WDR12: variants seen among roughly 807,000 people sequenced by gnomAD.
WDR12 encodes WD repeat domain 12.
WDR12 carries 42 observed loss-of-function variants against 64.3 expected under a neutral mutation model. That is an observed-to-expected ratio of 0.65 (90% CI 0.51 to 0.84). The LOEUF (loss-of-function observed/expected upper bound fraction) is 0.84. Among genes scored for constraint, WDR12 ranks in the 40% least tolerant of loss-of-function variants. WDR12 has a pLI of 0.00. For missense variants in WDR12, 469 were observed against 494.6 expected (o/e 0.95, Z 0.49); for synonymous variants, 158 against 173.3 (o/e 0.91, Z 0.70).
chr2:202,892,645 T>C lies in WDR12; in HGVS notation c.713A>G (p.Gln238Arg). ...EESTNRPRKK[Q>R]KTEQLGLTRT... ...TGTTAGTCCCAACTGTTCTGTCTTC[T>C]GTTTCTTTCTTGGTCGATTTGTGGA... The change falls in exon 8 of 13, where the codon CAG (glutamine) becomes CGG (arginine). Residue 238 changes from glutamine to arginine, a missense_variant. By Grantham distance (43) the Gln-to-Arg change is conservative (BLOSUM62 1). Coordinates refer to ENST00000261015, the MANE Select transcript of WDR12 (RefSeq NM_018256.4). 3 of 1,613,418 alleles carry C rather than the reference T, an allele frequency of 1.9e-6. No individual in the cohort carries two copies. Among genetic ancestry groups the C allele is most frequent in the Non-Finnish European group, 2.5e-6 (3 of 1,179,548 alleles).
At chr2:202,899,713 TTAATA>T (rs1212964859) in intron 3 of WDR12, 76 bp from the exon 4 acceptor site, 58 of 1,277,692 alleles carry the variant, frequency 4.5e-5, no homozygotes, top group Non-Finnish European at 5.9e-5. Flanking sequence ...AACCCCCAAT[TTAATA>T]TATCTCCTTT....
chr2:202,906,569 T>C (rs553627436), intron 2 of WDR12, among the ~76,000 whole-genome samples: 8 of 152,172 alleles, frequency 5.3e-5, no homozygotes, highest in Non-Finnish European at 8.8e-5. Context: ...TGCATAAAAA[T>C]ACACTTGCCT....
At position 202,911,633 on chromosome 2, in the gene WDR12, C is replaced by T; in HGVS notation, c.-157G>A. 1 of 687,808 alleles carries T rather than the reference C, an allele frequency of 1.5e-6. No individual in the cohort carries two copies. The highest frequency in any genetic ancestry group is 1.7e-5 in the South Asian group (1 of 60,212). 42.6% of individuals were successfully genotyped at this position (687,808 alleles called of 1,614,324 possible). A position where few individuals can be genotyped will look rare whatever the true frequency, so the allele number is the denominator to read the frequency against. Reference sequence around the variant, plus strand: ...CTAAGCCTGGACTCTGCCTTCTGCCCTCCGGTCTCCTCTGCAGAAAGCACG... The same window carrying T: ...CTAAGCCTGGACTCTGCCTTCTGCCTTCCGGTCTCCTCTGCAGAAAGCACG... On this transcript the variant is annotated 5_prime_UTR_variant, in exon 1 of 13. Transcript: ENST00000261015.
intron 10 of WDR12, 154 bp downstream of exon 10, chr2:202,884,044 C>T: frequency 4.1e-6 from 3 of 739,212 alleles, no homozygotes; most frequent in Non-Finnish European, 6.6e-6. Context: ...AACTCCTGAC[C>T]TCATGATCTG....
At position 202,879,651 on chromosome 2, in the gene WDR12, C is replaced by A. The variant is rs967551775; in HGVS notation, c.*1209G>T. 1.3e-5 allele frequency: 2 copies of A among 151,726 alleles called. No individual in the cohort carries two copies. The highest frequency in any genetic ancestry group is 1.3e-4 in the Admixed American group (2 of 15,226). 9.4% of individuals were successfully genotyped at this position (151,726 alleles called of 1,614,324 possible). A position where few individuals can be genotyped will look rare whatever the true frequency, so the allele number is the denominator to read the frequency against. On this transcript the variant is annotated 3_prime_UTR_variant, in exon 13 of 13. Transcript: ENST00000261015. ...TTCACCATGTTGGTCAGGCTGGTCT[C>A]GAACCCCTGACCTCAGGTGAGCCGC... is the stretch of plus-strand genomic sequence containing the variant.
chr2:202,909,905 C>T (rs1472564778), intron 1 of WDR12, among the ~76,000 whole-genome samples: 2 of 152,052 alleles, frequency 1.3e-5, no homozygotes, highest in Non-Finnish European at 2.9e-5. Flanking sequence ...AAGAGATCCT[C>T]CCACCTCAGC....
Position 202,879,125 on chromosome 2 carries a change from G to C in WDR12, c.*1735C>G, listed in dbSNP as rs1205317358. ...AGCTCACTGCAACCTCTGCCTCTCG[G>C]GTTCAAGCAATTTGCCTGCCTCAGC... On this transcript the variant is annotated 3_prime_UTR_variant, in exon 13 of 13. Coordinates refer to ENST00000261015, the MANE Select transcript of WDR12 (RefSeq NM_018256.4). 6.6e-6 allele frequency: 1 copy of C among 152,002 alleles called. No individual in the cohort carries two copies. Among genetic ancestry groups the C allele is most frequent in the African/African-American group, 2.4e-5 (1 of 41,364 alleles). 9.4% of individuals were successfully genotyped at this position (152,002 alleles called of 1,614,324 possible).
intron 1 of WDR12, among the ~76,000 whole-genome samples, chr2:202,908,864 T>C (rs751219646): frequency 6.6e-6 from 1 of 152,192 alleles, no homozygotes; most frequent in Non-Finnish European, 1.5e-5. Context: ...AACTTGTATC[T>C]AGACTATATT....
intron 2 of WDR12, among the ~76,000 whole-genome samples, chr2:202,904,881 C>T (rs1461616801): frequency 6.6e-6 from 1 of 152,162 alleles, no homozygotes; most frequent in Non-Finnish European, 1.5e-5. Flanking sequence ...AGTGAAGAGA[C>T]AACCCACAGA....
intron 8 of WDR12, among the ~76,000 whole-genome samples, chr2:202,890,341 A>C (rs185615114): frequency 6.0e-4 from 92 of 152,366 alleles, no homozygotes; most frequent in African/African-American, 2.1e-3. Flanking sequence ...AACTAATCTA[A>C]GATGGCACAA....
rs1271434539 is a variant in WDR12, at chr2:202,882,021, G to A, written c.1194+690C>T. On this transcript the variant is annotated intron_variant, in intron 12 of 12. Transcript: ENST00000261015. The stretch of plus-strand genomic sequence containing the variant: ...CGCGATCATAGTTCATTGCATCCTC[G>A]ACCTCCCAGGCACAAGTGATCCTCC... Among the ~76,000 whole-genome samples, 4 of 150,916 alleles carry A rather than the reference G, an allele frequency of 2.7e-5. No individual in the cohort carries two copies. In the East Asian group the frequency reaches 6.0e-4, roughly 23 times the overall value.
chr2:202,899,516 T>C lies in WDR12; in HGVS notation c.338+15A>G, dbSNP rs769901203. The C allele has an allele frequency of 6.2e-7, 1 of 1,605,560 alleles. No homozygotes were observed. Among genetic ancestry groups the C allele is most frequent in the Admixed American group, 1.7e-5 (1 of 58,866 alleles). ...ACAAAACAAAAAAAAGAGAAGGGCA[T>C]TAATCTGGCAATACCATTCCTCTGC... On this transcript the variant is annotated intron_variant, in intron 4 of 12. Coordinates refer to ENST00000261015, the MANE Select transcript of WDR12 (RefSeq NM_018256.4).
chr2:202,900,330 GAA>G (rs756739706), intron 3 of WDR12, among the ~76,000 whole-genome samples: 6 of 66,884 alleles, frequency 9.0e-5, no homozygotes, highest in Admixed American at 1.7e-4. Flanking sequence ...CTCTGTCTCA[GAA>G]AAAAAAAAAA....
In WDR12 at chr2:202,875,260, A is replaced by G. The variant is rs1251654912; in HGVS notation, c.*5600T>C. 2 of 152,306 alleles carry G rather than the reference A, an allele frequency of 1.3e-5. No individual in the cohort carries two copies. Among genetic ancestry groups the G allele is most frequent in the African/African-American group, 2.4e-5 (1 of 41,570 alleles). 9.4% of individuals were successfully genotyped at this position (152,306 alleles called of 1,614,324 possible). On this transcript the variant is annotated 3_prime_UTR_variant, in exon 13 of 13. Transcript: ENST00000261015. ...CAGAAATTGATCTTTATACATTTAT[A>G]TACTATTACAGTAATACGTTTAGTG...
At chr2:202,889,553 C>A (rs2105905273) in intron 8 of WDR12, among the ~76,000 whole-genome samples, 1 of 151,954 alleles carries the variant, frequency 6.6e-6, no homozygotes, top group African/African-American at 2.4e-5. Flanking sequence ...TCATAATTAT[C>A]AAAGATCCAG....
At chr2:202,886,357 C>G (rs1329962031) in intron 8 of WDR12, among the ~76,000 whole-genome samples, 1 of 151,956 alleles carries the variant, frequency 6.6e-6, no homozygotes, top group Non-Finnish European at 1.5e-5. Flanking sequence ...ACCTGAGAGG[C>G]TTACATGGGA....
chr2:202,897,198 GA>G (rs995518694), intron 5 of WDR12, 101 bp downstream of exon 5: 1 of 696,508 alleles, frequency 1.4e-6, no homozygotes, highest in African/African-American at 1.9e-5. Context: ...ACTGAGGTAT[GA>G]GATACTTCCC....
rs1398626378 is a variant in WDR12 at position 202,877,179 on chromosome 2, GTTCT to G, written c.*3677_*3680del. ...TTTATATCAATTTAAACTTTTGTTT[GTTCT>G]TTCTCCAATAATATACTAGGAAGCA... is the stretch of plus-strand genomic sequence containing the variant. On this transcript the variant is annotated 3_prime_UTR_variant, in exon 13 of 13. Transcript: ENST00000261015. The G allele has an allele frequency of 2.7e-5, 4 of 149,244 alleles. No individual in the cohort carries two copies. Among genetic ancestry groups the G allele is most frequent in the Middle Eastern group, 3.2e-3 (1 of 308 alleles). The allele number at this position is 149,244 out of a possible 1,614,324, so 9.2% of individuals were successfully genotyped here.
In WDR12 at chr2:202,879,403, T is replaced by G. The variant is rs1207200921; in HGVS notation, c.*1457A>C. The G allele has an allele frequency of 6.6e-6, 1 of 151,770 alleles. No homozygotes were observed. The highest frequency in any genetic ancestry group is 2.4e-5 in the African/African-American group (1 of 41,296). The allele number at this position is 151,770 out of a possible 1,614,324, so 9.4% of individuals were successfully genotyped here. Reference sequence around the variant, plus strand: ...GCCTTCCTTAAAATATCTTGATGAATTCTTCAAAAATTGGCAATCTACTTG... The same window carrying G: ...GCCTTCCTTAAAATATCTTGATGAAGTCTTCAAAAATTGGCAATCTACTTG... On this transcript the variant is annotated 3_prime_UTR_variant, in exon 13 of 13. Coordinates refer to ENST00000261015, the MANE Select transcript of WDR12 (RefSeq NM_018256.4).
Sources: allele counts gnomAD v4.1 joint callset (sites outside exome capture counted in the v4.1 genomes callset), GRCh38; gene constraint gnomAD v4.1.1; transcripts MANE v1.5; gene names NCBI Gene and HGNC (gene_info 2026-07-23, HGNC 2026-07-21).